SRGAP3: variants seen among roughly 807,000 people sequenced by gnomAD.
SRGAP3 encodes SLIT-ROBO Rho GTPase activating protein 3.
In SRGAP3, 39 loss-of-function variants were observed where a neutral mutation model predicts 121.1. The observed-to-expected ratio is 0.32, with a 90% CI of 0.25 to 0.42. The LOEUF (loss-of-function observed/expected upper bound fraction) is 0.42, where lower values mean the gene tolerates loss of function less well. SRGAP3 is among the 10% of genes least tolerant of loss of function. The pLI is 1.00. For missense variants in SRGAP3, 1,213 were observed against 1,470.6 expected, an observed-to-expected ratio of 0.82 and a Z score of 2.86; for synonymous variants, 601 against 570.0, an observed-to-expected ratio of 1.05 and a Z score of -0.77.
At chr3:9,170,666 C>A (rs763360671) in intron 1 of SRGAP3, among the ~76,000 whole-genome samples, 2 of 152,242 alleles carry the variant, frequency 1.3e-5, no homozygotes, top group African/African-American at 4.8e-5. Context: ...TCCCAGCATA[C>A]CCTTTCCTCT....
chr3:9,155,037 A>G (rs563971745), intron 1 of SRGAP3, among the ~76,000 whole-genome samples: 1 of 150,956 alleles, frequency 6.6e-6, no homozygotes, highest in Non-Finnish European at 1.5e-5. Flanking sequence ...TTTAATCTCA[A>G]TATTCACTTT....
chr3:9,053,419 T>G (rs1260268165), intron 8 of SRGAP3, among the ~76,000 whole-genome samples, 195 bp from the exon 9 acceptor site: 1 of 152,200 alleles, frequency 6.6e-6, no homozygotes, highest in East Asian at 1.9e-4. Flanking sequence ...CACAGCTGGC[T>G]GGGATGAAAA....
At chr3:9,115,568 T>C (rs997736965) in intron 2 of SRGAP3, among the ~76,000 whole-genome samples, 3 of 152,086 alleles carry the variant, frequency 2.0e-5, no homozygotes, top group African/African-American at 4.8e-5. Context: ...TGGAAAGAGA[T>C]AAAGGAGCTA....
intron 18 of SRGAP3, among the ~76,000 whole-genome samples, chr3:9,000,610 G>A (rs914129986): frequency 1.3e-5 from 2 of 152,210 alleles, no homozygotes; most frequent in Admixed American, 1.3e-4. Flanking sequence ...GCAATCCAGT[G>A]ATGGTTCATG....
At chr3:9,056,171 C>T (rs1169983938) in intron 8 of SRGAP3, 62 bp downstream of exon 8, 1 of 1,521,342 alleles carries the variant, frequency 6.6e-7, no homozygotes, top group African/African-American at 1.4e-5. Flanking sequence ...CACAAGTGGA[C>T]TCCCTGGGAC....
intron 4 of SRGAP3, among the ~76,000 whole-genome samples, chr3:9,067,470 T>C (rs567072503): frequency 6.6e-6 from 1 of 152,198 alleles, no homozygotes; most frequent in South Asian, 2.1e-4. Flanking sequence ...CCTCTGTGTA[T>C]GCCAGTTCCA....
intron 1 of SRGAP3, among the ~76,000 whole-genome samples, chr3:9,131,279 T>C (rs1949434658): frequency 6.6e-6 from 1 of 151,038 alleles, no homozygotes; most frequent in Non-Finnish European, 1.5e-5. Context: ...GGCAGAAAAA[T>C]TAAAAGGGGG....
intron 1 of SRGAP3, among the ~76,000 whole-genome samples, chr3:9,339,037 C>T (rs1314980343): frequency 6.6e-6 from 1 of 152,164 alleles, no homozygotes; most frequent in Non-Finnish European, 1.5e-5. Flanking sequence ...AAAGAGTCTT[C>T]GTGTACTTAG....
intron 18 of SRGAP3, among the ~76,000 whole-genome samples, chr3:9,001,697 T>A (rs1942778528): frequency 6.6e-6 from 1 of 151,936 alleles, no homozygotes; most frequent in South Asian, 2.1e-4. Flanking sequence ...AAAGATACAA[T>A]TAGAGTGAAA....
At chr3:9,284,929 C>T (rs1312409228) in intron 3 of SRGAP3, among the ~76,000 whole-genome samples, 1 of 151,694 alleles carries the variant, frequency 6.6e-6, no homozygotes, top group Non-Finnish European at 1.5e-5. Context: ...AGAACCACTG[C>T]CCTAAGGTAA....
chr3:9,111,619 G>A (rs2124936062), intron 2 of SRGAP3, among the ~76,000 whole-genome samples: 1 of 152,328 alleles, frequency 6.6e-6, no homozygotes, highest in African/African-American at 2.4e-5. Flanking sequence ...GAGGGCCGCA[G>A]ACCGCAGAGC....
intron 10 of SRGAP3, among the ~76,000 whole-genome samples, chr3:9,040,646 C>T (rs1944970175): frequency 6.6e-6 from 1 of 152,114 alleles, no homozygotes; most frequent in Non-Finnish European, 1.5e-5. Context: ...TCACTGCAAC[C>T]TCAGTCTCCT....
intron 1 of SRGAP3, among the ~76,000 whole-genome samples, chr3:9,333,558 C>T (rs1955643417): frequency 6.6e-6 from 1 of 152,184 alleles, no homozygotes; most frequent in Non-Finnish European, 1.5e-5. Context: ...CCTCACATAA[C>T]AGTCCTGCAT....
intron 1 of SRGAP3, among the ~76,000 whole-genome samples, chr3:9,160,059 C>A (rs777430662): frequency 8.5e-5 from 13 of 152,180 alleles, no homozygotes; most frequent in Admixed American, 2.6e-4. Context: ...AGCCAGGCTG[C>A]CTGGGTTCAA....
chr3:9,161,907 G>A (rs949730110), intron 1 of SRGAP3, among the ~76,000 whole-genome samples: 4 of 152,012 alleles, frequency 2.6e-5, no homozygotes, highest in Non-Finnish European at 5.9e-5. Flanking sequence ...CCAAAAGGTA[G>A]AAGCAATCCA....
chr3:9,153,547 G>T (rs1022701078), intron 1 of SRGAP3, among the ~76,000 whole-genome samples: 5 of 152,192 alleles, frequency 3.3e-5, no homozygotes, highest in Admixed American at 2.0e-4. Flanking sequence ...TGAGCTGGAT[G>T]GGGGCCTGTA....
At chr3:9,213,067 T>G (rs1952500187) in intron 1 of SRGAP3, among the ~76,000 whole-genome samples, 1 of 152,140 alleles carries the variant, frequency 6.6e-6, no homozygotes, top group Admixed American at 6.5e-5. Context: ...GGGGCCCCAC[T>G]TCTCGACCTG....
At chr3:9,267,529 C>T (rs879337264) in intron 3 of SRGAP3, among the ~76,000 whole-genome samples, 2 of 152,120 alleles carry the variant, frequency 1.3e-5, no homozygotes, top group Non-Finnish European at 2.9e-5. Flanking sequence ...GCAGCGGTTG[C>T]AGTTGGGTTT....
intron 1 of SRGAP3, among the ~76,000 whole-genome samples, chr3:9,132,250 C>G (rs930627524): frequency 1.3e-5 from 2 of 152,196 alleles, no homozygotes; most frequent in Non-Finnish European, 2.9e-5. Flanking sequence ...AGAGCCAATA[C>G]TGACACACCA....
Sources: gnomAD v4.1 joint callset for allele counts (sites outside exome capture counted in the v4.1 genomes callset) on GRCh38, gnomAD v4.1.1 for gene constraint, MANE v1.5 for transcripts, NCBI Gene and HGNC (gene_info 2026-07-23, HGNC 2026-07-21) for gene names.